CINP: variants seen among roughly 807,000 people sequenced by gnomAD.
CINP encodes cyclin-dependent kinase 2-interacting protein.
CINP carries 11 observed loss-of-function variants against 20.5 expected under a neutral mutation model. The observed-to-expected ratio is 0.54, with a 90% CI of 0.34 to 0.89. CINP has a LOEUF of 0.89. Ranked by LOEUF, CINP falls within the 40% of genes least tolerant of loss-of-function variation. CINP has a pLI of 0.02. For missense variants in CINP, 213 were observed against 251.0 expected (o/e 0.85, Z 1.02); for synonymous variants, 108 against 102.1 (o/e 1.06, Z -0.35).
intron 3 of CINP, among the ~76,000 whole-genome samples, chr14:102,354,760 C>CA (rs1265475516): frequency 1.3e-5 from 2 of 148,778 alleles, no homozygotes; most frequent in East Asian, 2.0e-4. Context: ...GGCCCTGTCT[C>CA]AAAAAAAACA....
rs1402185398 is a variant in CINP, at chr14:102,351,261, C to A, written c.307-1213G>T. On this transcript the variant is annotated intron_variant, in intron 3 of 4. Coordinates refer to ENST00000216756, the MANE Select transcript of CINP (RefSeq NM_032630.3). This position sits in a 1 kb window ranked among gnomAD's most constrained non-coding sequence, Gnocchi z 4.2. ...CGTGGCAAGCTGCCATTGACGGTCC[C>A]TCAGTGTGGACCAGGCTCTGTCCTA... 6.6e-6 allele frequency among the ~76,000 whole-genome samples: 1 copy of A among 152,216 alleles called. No individual in the cohort carries two copies. The highest frequency in any genetic ancestry group is 2.4e-5 in the African/African-American group (1 of 41,460).
Position 102,349,933 on chromosome 14 carries a change from G to A in CINP, c.422C>T (p.Pro141Leu), listed in dbSNP as rs746635123. 2 of 1,613,656 alleles carry A rather than the reference G, an allele frequency of 1.2e-6. No individual in the cohort carries two copies. Among genetic ancestry groups the A allele is most frequent in the East Asian group, 2.2e-5 (1 of 44,876 alleles). ...SKRPPLFHTWPTTHFYEVSHK... is the reference protein window; with the variant it reads ...SKRPPLFHTWLTTHFYEVSHK... ...GAACTACTTACAGAAATGGGTTGTA[G>A]GCCACGTGTGGAACAGAGGGGGTCG... The change falls in exon 4 of 5, where the codon CCT becomes CTT. Residue 141 changes from proline to leucine, a missense_variant. Transcript: ENST00000216756.
At chr14:102,354,281 C>T (rs1242537339) in intron 3 of CINP, among the ~76,000 whole-genome samples, 1 of 152,188 alleles carries the variant, frequency 6.6e-6, no homozygotes. Flanking sequence ...CTCTTACGTG[C>T]TGTATCAGGG....
intron 3 of CINP, among the ~76,000 whole-genome samples, chr14:102,355,068 C>CA (rs1036029762): frequency 5.6e-3 from 477 of 85,730 alleles, no homozygotes; most frequent in African/African-American, 7.9e-3. Context: ...GACTCCATCT[C>CA]AAAAAAAAAA....
intron 2 of CINP, among the ~76,000 whole-genome samples, 197 bp downstream of exon 2, chr14:102,359,222 A>ATATAT (rs1280647444): frequency 8.3e-5 from 9 of 108,620 alleles, no homozygotes; most frequent in African/African-American, 2.8e-4. Flanking sequence ...ATAAATAAAT[A>ATATAT]ACTAAATATA....
At chr14:102,359,328 G>A in intron 2 of CINP, 91 bp downstream of exon 2, 1 of 931,430 alleles carries the variant, frequency 1.1e-6, no homozygotes, top group Non-Finnish European at 1.5e-6. Flanking sequence ...TGCTTTTTTT[G>A]CTTAATATTT....
At position 102,348,472 on chromosome 14, in the gene CINP, T is replaced by G. The variant is rs1176194358; in HGVS notation, c.*85A>C. On this transcript the variant is annotated 3_prime_UTR_variant, in exon 5 of 5. Transcript: ENST00000216756. Reference sequence around the variant, plus strand: ...CCCAAGGTCTGATCCTGGGGTCTGATCCAGGCCTGCGGCACTGGGTCCTAG... The same window carrying G: ...CCCAAGGTCTGATCCTGGGGTCTGAGCCAGGCCTGCGGCACTGGGTCCTAG... 3.9e-6 allele frequency: 5 copies of G among 1,273,230 alleles called. No individual in the cohort carries two copies. The African/African-American group carries it at 7.3e-5, about 19-fold the overall frequency. 78.9% of individuals were successfully genotyped at this position (1,273,230 alleles called of 1,614,324 possible). A position where few individuals can be genotyped will look rare whatever the true frequency, so the allele number is the denominator to read the frequency against.
intron 1 of CINP, among the ~76,000 whole-genome samples, chr14:102,361,135 G>C (rs890474386): frequency 6.6e-6 from 1 of 152,124 alleles, no homozygotes; most frequent in African/African-American, 2.4e-5. Context: ...AGAAGGTGTC[G>C]TTTAGGCTGA....
At position 102,351,305 on chromosome 14, in the gene CINP, T is replaced by A. The variant is rs986091616; in HGVS notation, c.307-1257A>T. On this transcript the variant is annotated intron_variant, in intron 3 of 4. Coordinates refer to ENST00000216756, the MANE Select transcript of CINP (RefSeq NM_032630.3). This position sits in a 1 kb window ranked among gnomAD's most constrained non-coding sequence, Gnocchi z 4.2. Reference sequence around the variant, plus strand: ...TGTCCTAAGCCCTGTAACTGCATGATGTGTATGGCTACTTGTGGGAGACAC... The same window carrying A: ...TGTCCTAAGCCCTGTAACTGCATGAAGTGTATGGCTACTTGTGGGAGACAC... Among the ~76,000 whole-genome samples the A allele has an allele frequency of 4.6e-5, 7 of 152,198 alleles. No homozygotes were observed. The highest frequency in any genetic ancestry group is 1.7e-4 in the African/African-American group (7 of 41,436).
chr14:102,352,760 G>A (rs1456871864), intron 3 of CINP, among the ~76,000 whole-genome samples: 2 of 150,910 alleles, frequency 1.3e-5, no homozygotes, highest in Non-Finnish European at 3.0e-5. Flanking sequence ...TGATTCTCCC[G>A]CCTCAGCCTC....
In CINP at chr14:102,355,791, G is replaced by A. The variant is rs1203264834; in HGVS notation, c.283C>T (p.Leu95=). Residue 95 remains leucine, a synonymous_variant, in exon 3 of 5, where the codon CTG becomes TTG. Coordinates refer to ENST00000216756, the MANE Select transcript of CINP (RefSeq NM_032630.3). ...NEELEKLCEE[L]QATLDGLTKI... ...ACCAACCCATCCAAGGTGGCCTGCA[G>A]TTCCTCACACAGCTTCTCCAGTTCC... 1 of 1,614,000 alleles carries A rather than the reference G, an allele frequency of 6.2e-7. No individual in the cohort carries two copies. Among genetic ancestry groups the A allele is most frequent in the Non-Finnish European group, 8.5e-7 (1 of 1,179,986 alleles).
Position 102,351,129 on chromosome 14 carries a change from C to G in CINP, c.307-1081G>C, listed in dbSNP as rs1886859274. On this transcript the variant is annotated intron_variant, in intron 3 of 4. Transcript: ENST00000216756. This position sits in a 1 kb window ranked among gnomAD's most constrained non-coding sequence, Gnocchi z 4.2. ...ATGAGACACCGCACCAGGCCTGACT[C>G]TCTCTTATTAACTGCCTTTATTTAC... Among the ~76,000 whole-genome samples the G allele has an allele frequency of 6.6e-6, 1 of 152,044 alleles. No individual in the cohort carries two copies. Among genetic ancestry groups the G allele is most frequent in the Non-Finnish European group, 1.5e-5 (1 of 67,976 alleles).
chr14:102,361,920 C>T (rs1280628538), intron 1 of CINP, among the ~76,000 whole-genome samples: 1 of 152,158 alleles, frequency 6.6e-6, no homozygotes, highest in Non-Finnish European at 1.5e-5. Flanking sequence ...ATGTGGTACA[C>T]CCTATAATTC....
intron 2 of CINP, among the ~76,000 whole-genome samples, 192 bp downstream of exon 2, chr14:102,359,227 A>AATATATAT (rs10632205): frequency 0.051 from 5,928 of 115,186 alleles, 274 homozygotes; most frequent in African/African-American, 0.078. Context: ...TAAATAACTA[A>AATATATAT]ATATATATAT....
At chr14:102,356,913 G>C (rs1456708736) in intron 2 of CINP, among the ~76,000 whole-genome samples, 3 of 152,120 alleles carry the variant, frequency 2.0e-5, no homozygotes, top group Non-Finnish European at 4.4e-5. Context: ...CCTGAAATAG[G>C]AGGATACTGA....
At chr14:102,350,174 C>T in intron 3 of CINP, 126 bp from the exon 4 acceptor site, 4 of 786,210 alleles carry the variant, frequency 5.1e-6, no homozygotes, top group Non-Finnish European at 8.0e-6. Context: ...TAACTAAACA[C>T]TGTTAACTCT....
At chr14:102,362,556 T>A in intron 1 of CINP, 1 of 703,430 alleles carries the variant, frequency 1.4e-6, no homozygotes, top group Non-Finnish European at 2.6e-6. Context: ...AGTACTAATT[T>A]ATAGTGACAA....
At chr14:102,361,307 G>A (rs1317185546) in intron 1 of CINP, among the ~76,000 whole-genome samples, 2 of 152,134 alleles carry the variant, frequency 1.3e-5, no homozygotes, top group Non-Finnish European at 2.9e-5. Flanking sequence ...GGACTAGTGC[G>A]TGAGTAGGTG....
In CINP at chr14:102,355,693, G is replaced by T. The variant is rs183342563; in HGVS notation, c.306+75C>A. The T allele has an allele frequency of 2.6e-3, 4,093 of 1,553,068 alleles. 8 individuals are homozygous for T. The highest frequency in any genetic ancestry group is 6.7e-3 in the Middle Eastern group (39 of 5,850). ...TGAGAAGGAGTAAGTGATGGCCAAT[G>T]GTCAAGCAAACCCCAAATACGTCCA... is the stretch of plus-strand genomic sequence containing the variant. On this transcript the variant is annotated intron_variant, in intron 3 of 4. Coordinates refer to ENST00000216756, the MANE Select transcript of CINP (RefSeq NM_032630.3).
Sources: allele counts gnomAD v4.1 joint callset (sites outside exome capture counted in the v4.1 genomes callset), GRCh38; gene constraint gnomAD v4.1.1; non-coding constraint Gnocchi (gnomAD v3.1); transcripts MANE v1.5; gene names NCBI Gene and HGNC (gene_info 2026-07-23, HGNC 2026-07-21).